The following MYO3B variants were observed in gnomAD, a reference collection of about 807,000 sequenced individuals.
MYO3B encodes myosin IIIB.
Under a neutral mutation model 174.6 loss-of-function variants are expected in MYO3B, and 156 were observed. That is an observed-to-expected ratio of 0.89 (90% CI 0.78 to 1.02). The LOEUF is 1.02. MYO3B is among the 50% of genes least tolerant of loss of function. The probability of loss-of-function intolerance (pLI) is 0.00; values close to 1 mark genes in which losing one functional copy is unlikely to be tolerated. For synonymous variants in MYO3B, 563 were observed against 569.1 expected, an observed-to-expected ratio of 0.99 and a Z score of 0.15; for missense variants, 1,632 against 1,639.4, an observed-to-expected ratio of 1.00 and a Z score of 0.08.
chr2:170,631,416 A>G (rs1030078418), intron 32 of MYO3B, among the ~76,000 whole-genome samples: 3 of 151,954 alleles, frequency 2.0e-5, no homozygotes, highest in African/African-American at 4.8e-5. Context: ...GACCAAATCT[A>G]CATCTGATTG....
rs761689367 is a variant in MYO3B, at chr2:170,383,116, T to C, written c.1112T>C (p.Leu371Pro). The change falls in exon 11 of 35, where the codon CTA becomes CCA. Residue 371 changes from leucine to proline, a missense_variant. Coordinates refer to ENST00000408978, the MANE Select transcript of MYO3B (RefSeq NM_138995.5). ...HQLQKRYADLLIYTYVGDILI... is the reference protein window; with the variant it reads ...HQLQKRYADLPIYTYVGDILI... ...TTGCAGAAACGTTATGCAGACTTGC[T>C]AATTTACACATATGTTGGAGACATC... The C allele has an allele frequency of 1.9e-6, 3 of 1,613,392 alleles. No homozygotes were observed. Among genetic ancestry groups the C allele is most frequent in the Non-Finnish European group, 2.5e-6 (3 of 1,179,494 alleles).
At chr2:170,404,991 T>A (rs1452138480) in intron 20 of MYO3B, among the ~76,000 whole-genome samples, 2 of 152,254 alleles carry the variant, frequency 1.3e-5, no homozygotes, top group African/African-American at 4.8e-5. Context: ...TCACTTAGAT[T>A]GCGAGGTGCT....
intron 7 of MYO3B, among the ~76,000 whole-genome samples, chr2:170,322,321 C>T (rs537545325): frequency 6.6e-6 from 1 of 152,254 alleles, no homozygotes; most frequent in Non-Finnish European, 1.5e-5. Flanking sequence ...AAAAAATGTC[C>T]AAAGCCCTTT....
intron 32 of MYO3B, among the ~76,000 whole-genome samples, chr2:170,633,421 C>T (rs561977974): frequency 1.2e-4 from 19 of 152,272 alleles, no homozygotes; most frequent in Middle Eastern, 3.4e-3. Flanking sequence ...AATTCAACAG[C>T]GCTTCATGCT....
chr2:170,480,021 CTA>C (rs973027452), intron 25 of MYO3B, among the ~76,000 whole-genome samples: 5 of 114,252 alleles, frequency 4.4e-5, no homozygotes, highest in Admixed American at 1.0e-4. Flanking sequence ...TATATTAAAC[CTA>C]TATATATGTG....
intron 32 of MYO3B, among the ~76,000 whole-genome samples, chr2:170,635,219 C>G (rs1356741424): frequency 6.6e-6 from 1 of 152,170 alleles, no homozygotes; most frequent in East Asian, 1.9e-4. Flanking sequence ...ATCCAAATGT[C>G]CAACAATGAT....
At chr2:170,310,106 C>T (rs1332645427) in intron 7 of MYO3B, among the ~76,000 whole-genome samples, 1 of 152,214 alleles carries the variant, frequency 6.6e-6, no homozygotes, top group Non-Finnish European at 1.5e-5. Flanking sequence ...TATATCCTGA[C>T]TGAGCTATGA....
intron 7 of MYO3B, among the ~76,000 whole-genome samples, chr2:170,312,173 G>A (rs1247676011): frequency 6.6e-6 from 1 of 152,138 alleles, no homozygotes; most frequent in South Asian, 2.1e-4. Context: ...TTTCTTCAAG[G>A]TTTCATCTTT....
At chr2:170,186,290 G>A (rs537633525) in intron 1 of MYO3B, among the ~76,000 whole-genome samples, 2 of 143,170 alleles carry the variant, frequency 1.4e-5, no homozygotes, top group South Asian at 2.4e-4. Context: ...ATTGGGGTAT[G>A]TTCCTTCTAT....
chr2:170,428,213 A>C (rs1325722551), intron 22 of MYO3B, among the ~76,000 whole-genome samples: 1 of 152,228 alleles, frequency 6.6e-6, no homozygotes, highest in Non-Finnish European at 1.5e-5. Flanking sequence ...TTAGCTGTGA[A>C]GAGAACATTG....
intron 6 of MYO3B, among the ~76,000 whole-genome samples, chr2:170,218,261 T>A (rs750445423): frequency 6.6e-6 from 1 of 152,198 alleles, no homozygotes; most frequent in Non-Finnish European, 1.5e-5. Context: ...TACTGGGTAA[T>A]GGATAGGCCC....
chr2:170,465,311 AAG>A (rs1684554575), intron 24 of MYO3B, among the ~76,000 whole-genome samples: 1 of 152,080 alleles, frequency 6.6e-6, no homozygotes, highest in Non-Finnish European at 1.5e-5. Flanking sequence ...GTTACATGGC[AAG>A]AGAGGGAGGA....
At chr2:170,539,003 T>G (rs2106193436) in intron 30 of MYO3B, among the ~76,000 whole-genome samples, 1 of 152,364 alleles carries the variant, frequency 6.6e-6, no homozygotes, top group South Asian at 2.1e-4. Flanking sequence ...AATTAATTCC[T>G]TAATATCGTC....
chr2:170,327,766 T>G (rs528172978), intron 7 of MYO3B, among the ~76,000 whole-genome samples: 171 of 151,970 alleles, frequency 1.1e-3, no homozygotes, highest in African/African-American at 3.4e-3. Context: ...GATACTGATT[T>G]CTGTTTCATT....
At chr2:170,368,416 A>G (rs754184953) in intron 8 of MYO3B, among the ~76,000 whole-genome samples, 5 of 152,222 alleles carry the variant, frequency 3.3e-5, no homozygotes, top group Non-Finnish European at 7.3e-5. Context: ...GTCAGATTCA[A>G]TTTCACTAGA....
intron 23 of MYO3B, among the ~76,000 whole-genome samples, chr2:170,447,717 C>T (rs1490840651): frequency 6.6e-6 from 1 of 152,234 alleles, no homozygotes; most frequent in Non-Finnish European, 1.5e-5. Context: ...AAGAGTAATT[C>T]ACACAATGCT....
At chr2:170,558,107 C>G (rs184610742) in intron 32 of MYO3B, among the ~76,000 whole-genome samples, 135 of 152,258 alleles carry the variant, frequency 8.9e-4, no homozygotes, top group African/African-American at 2.9e-3. Flanking sequence ...CAAGACCATC[C>G]TGGCTAACAC....
chr2:170,635,680 C>T (rs1004690042), intron 32 of MYO3B, among the ~76,000 whole-genome samples: 2 of 152,124 alleles, frequency 1.3e-5, no homozygotes, highest in African/African-American at 4.8e-5. Flanking sequence ...TCTTAAAGAT[C>T]ACATTATAGG....
intron 7 of MYO3B, among the ~76,000 whole-genome samples, chr2:170,252,152 T>A (rs2093260339): frequency 6.6e-6 from 1 of 152,228 alleles, no homozygotes; most frequent in Non-Finnish European, 1.5e-5. Flanking sequence ...TACCTGAAGA[T>A]CACAGTCCTC....
Sources: allele counts gnomAD v4.1 joint callset (sites outside exome capture counted in the v4.1 genomes callset), GRCh38; gene constraint gnomAD v4.1.1; transcripts MANE v1.5; gene names NCBI Gene and HGNC (gene_info 2026-07-23, HGNC 2026-07-21).